The following UGT1A6 variants were observed in gnomAD, a reference collection of about 807,000 sequenced individuals.
UGT1A6 encodes the protein UDP-glucuronosyltransferase 1A6.
Under a neutral mutation model 44.4 loss-of-function variants are expected in UGT1A6, and 32 were observed. That is an observed-to-expected ratio of 0.72 (90% CI 0.54 to 0.97). The LOEUF (loss-of-function observed/expected upper bound fraction) is 0.97, where lower values mean the gene tolerates loss of function less well. Among genes scored for constraint, UGT1A6 ranks in the 50% least tolerant of loss-of-function variants. UGT1A6 has a pLI of 0.00. For missense variants in UGT1A6, 685 were observed against 661.9 expected (o/e 1.03, Z -0.38); for synonymous variants, 238 against 248.5 (o/e 0.96, Z 0.40).
chr2:233,725,249 GGAGGCAGAGGCAGAGGAGGCA>G (rs1559370474), intron 1 of UGT1A6, among the ~76,000 whole-genome samples: 14 of 48,542 alleles, frequency 2.9e-4, no homozygotes, highest in Middle Eastern at 0.01. Context: ...CAGAGGCAGA[GGAGGCAGAGGCAGAGGAGGCA>G]GAGGCAGAGG....
At chr2:233,692,704 C>G (rs2075110773), upstream of UGT1A6, 1 of 432,618 alleles carries the variant, frequency 2.3e-6, no homozygotes, top group Non-Finnish European at 3.1e-6. Context: ...CTCTCCAAGT[C>G]ATCTTCAAAG....
intron 1 of UGT1A6, chr2:233,755,057 C>G: frequency 7.5e-7 from 1 of 1,333,978 alleles, no homozygotes; most frequent in Non-Finnish European, 1.0e-6. Context: ...CCTCCGCCCT[C>G]GCCTCGCCAT....
At chr2:233,730,096 A>G in intron 1 of UGT1A6, 1 of 1,590,372 alleles carries the variant, frequency 6.3e-7, no homozygotes, top group Non-Finnish European at 8.6e-7. Flanking sequence ...CTTTCCAAAT[A>G]TTTCATTTCT....
In UGT1A6 at chr2:233,693,710, G is replaced by C. The variant is rs1398840706; in HGVS notation, c.706G>C (p.Val236Leu). 3 of 1,614,218 alleles carry C rather than the reference G, an allele frequency of 1.9e-6. No homozygotes were observed. Among genetic ancestry groups the C allele is most frequent in the Non-Finnish European group, 2.5e-6 (3 of 1,180,034 alleles). Residue 236 changes from valine (V) to leucine (L), a missense_variant, in exon 1 of 5, where the codon GTC becomes CTC. Val to Leu is a conservative substitution (Grantham distance 32). Coordinates refer to ENST00000305139, the MANE Select transcript of UGT1A6 (RefSeq NM_001072.4). ...AAAGTATGAAGAACTCGCATCAGCT[G>C]TCCTCAAGAGAGATGTGGATATAAT... ...FSKYEELASA[V>L]LKRDVDIITL...
At chr2:233,692,860 C>A, upstream of UGT1A6, 2 of 1,471,358 alleles carry the variant, frequency 1.4e-6, no homozygotes, top group South Asian at 2.9e-5. Context: ...TGGGTTCTTA[C>A]ATATCAAAGG....
At chr2:233,751,208 T>G (rs767963579) in intron 1 of UGT1A6, among the ~76,000 whole-genome samples, 3 of 151,940 alleles carry the variant, frequency 2.0e-5, no homozygotes, top group Non-Finnish European at 4.4e-5. Flanking sequence ...TTTTGGAGCT[T>G]TAAGATTTAA....
chr2:233,734,202 G>T (rs1345683418), intron 1 of UGT1A6, among the ~76,000 whole-genome samples: 1 of 152,060 alleles, frequency 6.6e-6, no homozygotes, highest in Non-Finnish European at 1.5e-5. Context: ...CAATTTCAGA[G>T]CCTGTTGTTG....
chr2:233,717,019 C>T (rs565921927), intron 1 of UGT1A6, among the ~76,000 whole-genome samples: 3 of 152,276 alleles, frequency 2.0e-5, no homozygotes, highest in South Asian at 2.1e-4. Context: ...CTGAAGGCAC[C>T]ACCATCTTCC....
In UGT1A6 at chr2:233,711,078, C is replaced by T. The variant is rs76665810; in HGVS notation, c.861+17213C>T. Among the ~76,000 whole-genome samples the T allele has an allele frequency of 9.6e-3, 1,463 of 152,316 alleles. 33 individuals are homozygous for T. Among genetic ancestry groups the T allele is most frequent in the African/African-American group, 0.033 (1,369 of 41,568 alleles). ...CTTCAATCACCACTTATGCTGATGG[C>T]TCCAAGTCTATCTGTGCAGCCCAGA... On this transcript the variant is annotated intron_variant, in intron 1 of 4. Transcript: ENST00000305139.
chr2:233,753,448 GCC>G (rs1695207775), intron 1 of UGT1A6: 1 of 152,160 alleles, frequency 6.6e-6, no homozygotes, highest in South Asian at 2.1e-4. Context: ...ATGTGTTCAG[GCC>G]ATGATTTTTC....
intron 1 of UGT1A6, among the ~76,000 whole-genome samples, chr2:233,733,960 G>T (rs2078458395): frequency 6.6e-6 from 1 of 151,916 alleles, no homozygotes; most frequent in African/African-American, 2.4e-5. Flanking sequence ...CTGTTGTGGG[G>T]TAGGGGGAGC....
At chr2:233,763,858 C>A (rs577598991) in intron 1 of UGT1A6, among the ~76,000 whole-genome samples, 1 of 152,130 alleles carries the variant, frequency 6.6e-6, no homozygotes, top group Admixed American at 6.5e-5. Flanking sequence ...GGTTCACAGA[C>A]AATCGCAATG....
At chr2:233,722,463 G>A (rs1258292673) in intron 1 of UGT1A6, among the ~76,000 whole-genome samples, 2 of 152,154 alleles carry the variant, frequency 1.3e-5, no homozygotes, top group Admixed American at 6.5e-5. Flanking sequence ...AATAACTGTG[G>A]AATTTGTATA....
intron 1 of UGT1A6, among the ~76,000 whole-genome samples, chr2:233,709,616 G>A (rs2125616284): frequency 6.6e-6 from 1 of 152,262 alleles, no homozygotes; most frequent in Non-Finnish European, 1.5e-5. Context: ...TTAAATATAG[G>A]TGTTTTGCTG....
intron 1 of UGT1A6, chr2:233,718,754 G>A: frequency 3.7e-6 from 6 of 1,612,386 alleles, no homozygotes; most frequent in Non-Finnish European, 5.1e-6. Flanking sequence ...GGTAATTAAG[G>A]CGAAGGAAAC....
rs61740163 is a variant in UGT1A6 at position 233,729,805 on chromosome 2, T to G, written c.861+35940T>G. ...GGCCCTGTCCTACATTTGCCATGCT[T>G]TTTCTGCTCCTTATGCAAGCCTTGC... On this transcript the variant is annotated intron_variant, in intron 1 of 4. Coordinates refer to ENST00000305139, the MANE Select transcript of UGT1A6 (RefSeq NM_001072.4). 2.8e-4 allele frequency: 444 copies of G among 1,610,698 alleles called. 1 individual carries two copies. The African/African-American group carries it at 4.6e-3, about 17-fold the overall frequency.
intron 1 of UGT1A6, among the ~76,000 whole-genome samples, chr2:233,756,923 C>T (rs1696357970): frequency 1.3e-5 from 2 of 151,968 alleles, no homozygotes; most frequent in South Asian, 4.2e-4. Context: ...GTTTATATAA[C>T]CTCTAGTTAC....
At chr2:233,738,133 A>G (rs1397029261) in intron 1 of UGT1A6, among the ~76,000 whole-genome samples, 2 of 152,126 alleles carry the variant, frequency 1.3e-5, no homozygotes, top group African/African-American at 2.4e-5. Flanking sequence ...AGGGGCCCTT[A>G]TCCCTTCACT....
intron 1 of UGT1A6, among the ~76,000 whole-genome samples, chr2:233,724,174 C>A (rs2077183841): frequency 8.0e-6 from 1 of 125,722 alleles, no homozygotes; most frequent in South Asian, 2.8e-4. Flanking sequence ...ACCCCCCCAT[C>A]TCCCTCCCGG....
Sources: gnomAD v4.1 joint callset for allele counts (sites outside exome capture counted in the v4.1 genomes callset) on GRCh38, gnomAD v4.1.1 for gene constraint, MANE v1.5 for transcripts, NCBI Gene and HGNC (gene_info 2026-07-23, HGNC 2026-07-21) for gene names.